Variants in CCM2 observed in about 807,000 individuals in gnomAD.
The protein encoded by CCM2 is cerebral cavernous malformations 2 protein.
CCM2 carries 25 observed loss-of-function variants against 44.9 expected under a neutral mutation model. That is an observed-to-expected ratio of 0.56 (90% CI 0.41 to 0.78). The LOEUF is 0.78. Among genes scored for constraint, CCM2 ranks in the 30% least tolerant of loss-of-function variants. The pLI, the probability that CCM2 is intolerant of heterozygous loss-of-function variation, is 0.00. For missense variants in CCM2, 481 were observed against 580.6 expected (o/e 0.83, Z 1.76); for synonymous variants, 219 against 241.1 (o/e 0.91, Z 0.85).
At chr7:45,032,456 G>T (rs1015910489) in intron 1 of CCM2, among the ~76,000 whole-genome samples, 4 of 152,188 alleles carry the variant, frequency 2.6e-5, no homozygotes, top group African/African-American at 9.7e-5. Context: ...GTCTCTTGCT[G>T]CTCAGAACAG....
chr7:45,014,267 G>A lies in CCM2; in HGVS notation c.30+13904G>A, dbSNP rs374629701. ...CGATTCTTCTGCCTCAGCCTCCCGAGCAGCTGGGATTTCAGGTGCCTGCCA... is the reference window on the plus strand; with the variant it reads ...CGATTCTTCTGCCTCAGCCTCCCGAACAGCTGGGATTTCAGGTGCCTGCCA... On this transcript the variant is annotated intron_variant, in intron 1 of 9. Coordinates refer to ENST00000258781, the MANE Select transcript of CCM2 (RefSeq NM_031443.4). Among the ~76,000 whole-genome samples the A allele has an allele frequency of 8.4e-4, 128 of 152,044 alleles. No homozygotes were observed. In the East Asian group the frequency reaches 0.021, roughly 24 times the overall value.
intron 1 of CCM2, among the ~76,000 whole-genome samples, chr7:45,011,261 A>G (rs979375916): frequency 4.0e-5 from 6 of 151,168 alleles, no homozygotes. Context: ...CAATGGTGCG[A>G]TCTCAGCTCA....
chr7:45,025,616 C>T (rs1263632933), intron 1 of CCM2, among the ~76,000 whole-genome samples: 3 of 151,050 alleles, frequency 2.0e-5, no homozygotes, highest in Non-Finnish European at 4.4e-5. Context: ...TCACCGCAAC[C>T]TCCGCCTCCT....
At chr7:45,008,508 A>G (rs1795939591) in intron 1 of CCM2, among the ~76,000 whole-genome samples, 2 of 151,944 alleles carry the variant, frequency 1.3e-5, no homozygotes, top group Non-Finnish European at 1.5e-5. Flanking sequence ...GATTACAGGC[A>G]TGCGCCACCA....
chr7:45,011,935 A>G (rs1352674366), intron 1 of CCM2, among the ~76,000 whole-genome samples: 1 of 152,088 alleles, frequency 6.6e-6, no homozygotes, highest in Non-Finnish European at 1.5e-5. Flanking sequence ...CCTGGCCTAA[A>G]GCCACCTTGG....
chr7:45,031,996 C>G (rs1229026251), intron 1 of CCM2, among the ~76,000 whole-genome samples: 1 of 152,194 alleles, frequency 6.6e-6, no homozygotes, highest in Non-Finnish European at 1.5e-5. Context: ...TCCTACCACC[C>G]CCTGCAGCTG....
At chr7:45,058,333 T>A (rs974474391) in intron 2 of CCM2, among the ~76,000 whole-genome samples, 14 of 152,188 alleles carry the variant, frequency 9.2e-5, no homozygotes, top group African/African-American at 2.4e-4. Context: ...TGTTTTTTTT[T>A]AATACTTTAA....
At chr7:45,035,772 ATTATAG>A (rs1797186873) in intron 1 of CCM2, among the ~76,000 whole-genome samples, 3 of 152,050 alleles carry the variant, frequency 2.0e-5, no homozygotes, top group African/African-American at 7.2e-5. Context: ...GTCCAACTTT[ATTATAG>A]TCTGTGGTAG....
In CCM2 at chr7:45,060,710, G is replaced by A. The variant is rs373573300; in HGVS notation, c.205-3208G>A. ...GCTCAGAGAGTCTCTCCTTGGCTGT[G>A]TCCAGCCTCTTGAGCTTGTTGAAGG... On this transcript the variant is annotated intron_variant, in intron 2 of 9. Coordinates refer to ENST00000258781, the MANE Select transcript of CCM2 (RefSeq NM_031443.4). Among the ~76,000 whole-genome samples the A allele has an allele frequency of 1.6e-4, 25 of 152,280 alleles. No homozygotes were observed. In the East Asian group the frequency reaches 2.5e-3, roughly 15 times the overall value.
intron 1 of CCM2, among the ~76,000 whole-genome samples, chr7:45,018,480 C>T (rs1190784789): frequency 6.6e-6 from 1 of 152,084 alleles, no homozygotes; most frequent in Non-Finnish European, 1.5e-5. Flanking sequence ...CCTTAGCCTC[C>T]TGGGTAGCTG....
intron 2 of CCM2, among the ~76,000 whole-genome samples, chr7:45,045,386 A>AG (rs1213622968): frequency 6.6e-6 from 1 of 152,020 alleles, no homozygotes; most frequent in African/African-American, 2.4e-5. Context: ...CACCGCTTAA[A>AG]AAAATGTAAT....
At chr7:45,037,077 G>A (rs1797255986) in intron 1 of CCM2, among the ~76,000 whole-genome samples, 1 of 152,050 alleles carries the variant, frequency 6.6e-6, no homozygotes, top group African/African-American at 2.4e-5. Flanking sequence ...TTGTTTTCTC[G>A]GGTTTATGTT....
At chr7:45,065,683 G>A (rs1798736860) in intron 4 of CCM2, among the ~76,000 whole-genome samples, 1 of 152,162 alleles carries the variant, frequency 6.6e-6, no homozygotes, top group Admixed American at 6.5e-5. Flanking sequence ...AAACTACACA[G>A]GGAACACTGG....
chr7:45,016,207 ATTTGTGCTGAATGGG>A (rs1172523555), intron 1 of CCM2, among the ~76,000 whole-genome samples: 10 of 152,218 alleles, frequency 6.6e-5, no homozygotes, highest in Non-Finnish European at 1.5e-4. Flanking sequence ...TGGAACAGGA[ATTTGTGCTGAATGGG>A]TTTGTGCTGA....
intron 1 of CCM2, among the ~76,000 whole-genome samples, chr7:45,006,842 C>T (rs1325664407): frequency 1.3e-5 from 2 of 152,188 alleles, no homozygotes; most frequent in South Asian, 2.1e-4. Flanking sequence ...TTACCTTGAT[C>T]TTGGACTTTC....
chr7:45,023,798 T>G (rs867291917), intron 1 of CCM2, among the ~76,000 whole-genome samples: 1,944 of 117,750 alleles, frequency 0.017, 131 homozygotes, highest in East Asian at 0.044. Context: ...TTTTTTTTTT[T>G]TTTTTTTTTT....
chr7:45,045,675 C>T (rs1797720116), intron 2 of CCM2, among the ~76,000 whole-genome samples: 2 of 152,144 alleles, frequency 1.3e-5, no homozygotes, highest in African/African-American at 4.8e-5. Flanking sequence ...CCTGTAGTCC[C>T]AGCTACTCGG....
At chr7:45,027,227 C>G in intron 1 of CCM2, 1 of 270,946 alleles carries the variant, frequency 3.7e-6, no homozygotes, top group South Asian at 3.8e-5. Context: ...AATGGGGTAA[C>G]TGGAACAGCC....
chr7:45,046,371 T>C (rs566523998), intron 2 of CCM2, among the ~76,000 whole-genome samples: 9 of 152,196 alleles, frequency 5.9e-5, no homozygotes, highest in Non-Finnish European at 1.0e-4. Context: ...GCTATCACAA[T>C]CAAGACTGTG....
Sources: allele counts gnomAD v4.1 joint callset (sites outside exome capture counted in the v4.1 genomes callset), GRCh38; gene constraint gnomAD v4.1.1; transcripts MANE v1.5; gene names NCBI Gene and HGNC (gene_info 2026-07-23, HGNC 2026-07-21).